CALD1: variants seen among roughly 807,000 people sequenced by gnomAD.
CALD1 encodes caldesmon 1, also known as caldesmon.
In CALD1, 33 loss-of-function variants were observed where a neutral mutation model predicts 99.9. The ratio of observed to expected loss-of-function variants is 0.33; its 90% confidence interval spans 0.25 to 0.44. CALD1 has a LOEUF of 0.44. CALD1 is among the 20% of genes least tolerant of loss of function. The pLI is 1.00. For synonymous variants in CALD1, 310 were observed against 325.0 expected, an observed-to-expected ratio of 0.95 and a Z score of 0.50; for missense variants, 861 against 962.1, an observed-to-expected ratio of 0.89 and a Z score of 1.39.
the CALD1 span, among the ~76,000 whole-genome samples, chr7:134,736,384 A>G: frequency 2.0e-5 from 3 of 152,122 alleles, no homozygotes; most frequent in African/African-American, 7.2e-5. Flanking sequence ...ACACACGAAC[A>G]TGCACCCTCA....
upstream of CALD1, among the ~76,000 whole-genome samples, chr7:134,740,217 G>T (rs189781527): frequency 6.6e-6 from 1 of 151,970 alleles, no homozygotes; most frequent in Non-Finnish European, 1.5e-5. Flanking sequence ...GCCTCATTTT[G>T]GTCAACATTT....
the CALD1 span, among the ~76,000 whole-genome samples, chr7:134,737,997 G>C: frequency 9.2e-5 from 14 of 152,190 alleles, no homozygotes; most frequent in Non-Finnish European, 1.6e-4. Context: ...TTTCCACAAA[G>C]AGAGACAAAT....
At chr7:134,713,318 G>A in the CALD1 span, among the ~76,000 whole-genome samples, 24 of 152,304 alleles carry the variant, frequency 1.6e-4, no homozygotes, top group East Asian at 4.1e-3. Flanking sequence ...GGATGGTGCT[G>A]TGGAAAATAA....
At chr7:134,797,038 T>G (rs1290219177) in intron 1 of CALD1, among the ~76,000 whole-genome samples, 1 of 151,786 alleles carries the variant, frequency 6.6e-6, no homozygotes, top group Non-Finnish European at 1.5e-5. Context: ...TTTTTTCTTT[T>G]TTTTGAGAAA....
the CALD1 span, among the ~76,000 whole-genome samples, chr7:134,729,048 C>T: frequency 6.6e-5 from 10 of 152,102 alleles, no homozygotes; most frequent in Admixed American, 5.2e-4. Context: ...GACTGGGTTT[C>T]ACCATGTTGG....
chr7:134,862,879 G>A (rs796459230), intron 2 of CALD1, among the ~76,000 whole-genome samples: 5 of 152,332 alleles, frequency 3.3e-5, no homozygotes, highest in African/African-American at 1.2e-4. Context: ...CTGTTACGGA[G>A]AGTTGAAGTT....
rs539991942 is a variant in CALD1 at position 134,817,955 on chromosome 7, G to A, written c.-129-25929G>A. Among the ~76,000 whole-genome samples the A allele has an allele frequency of 2.0e-4, 30 of 152,156 alleles. No individual in the cohort carries two copies. The South Asian group carries it at 2.9e-3, about 15-fold the overall frequency. On this transcript the variant is annotated intron_variant, in intron 1 of 14. Coordinates refer to ENST00000361675, the MANE Select transcript of CALD1 (RefSeq NM_033138.4). ...AACAATACTTTTTGTCACACTTGCC[G>A]TCAGCCCATTTTGTTATAACCTCAT...
chr7:134,895,647 G>A (rs1003245523), intron 3 of CALD1, among the ~76,000 whole-genome samples: 8 of 152,056 alleles, frequency 5.3e-5, no homozygotes, highest in Admixed American at 3.9e-4. Flanking sequence ...TTAGAATTAC[G>A]TTCAAAGTAA....
At chr7:134,815,148 G>A (rs6968543) in intron 1 of CALD1, among the ~76,000 whole-genome samples, 12,070 of 152,190 alleles carry the variant, frequency 0.079, 708 homozygotes, top group Non-Finnish European at 0.12. Context: ...CATCATGTCC[G>A]GACAAGTGAT....
At chr7:134,947,898 C>A in intron 8 of CALD1, 129 bp downstream of exon 8, 2 of 1,126,378 alleles carry the variant, frequency 1.8e-6, no homozygotes, top group Non-Finnish European at 2.5e-6. Flanking sequence ...GTGCTAGGTA[C>A]TGTTTTATAA....
chr7:134,712,480 G>A, the CALD1 span, among the ~76,000 whole-genome samples: 1 of 152,172 alleles, frequency 6.6e-6, no homozygotes, highest in African/African-American at 2.4e-5. Flanking sequence ...TGCATGCCCT[G>A]TAGTCACCCA....
chr7:134,925,735 G>A (rs944049746), intron 3 of CALD1, among the ~76,000 whole-genome samples: 6 of 152,126 alleles, frequency 3.9e-5, no homozygotes, highest in African/African-American at 1.4e-4. Flanking sequence ...CACCTGACAC[G>A]GGGGATTACA....
intron 2 of CALD1, among the ~76,000 whole-genome samples, chr7:134,861,919 T>C (rs2132284641): frequency 6.6e-6 from 1 of 152,236 alleles, no homozygotes; most frequent in South Asian, 2.1e-4. Context: ...GAAGGTACAA[T>C]ATAAGAGAAG....
At chr7:134,727,478 A>G in the CALD1 span, among the ~76,000 whole-genome samples, 1 of 152,240 alleles carries the variant, frequency 6.6e-6, no homozygotes, top group Non-Finnish European at 1.5e-5. Flanking sequence ...TCCACAAAAT[A>G]GACAGGAGCT....
chr7:134,936,416 C>T (rs1284585816), intron 6 of CALD1, among the ~76,000 whole-genome samples: 1 of 152,186 alleles, frequency 6.6e-6, no homozygotes, highest in Non-Finnish European at 1.5e-5. Context: ...CATCAGAACA[C>T]TTGATTGCAC....
intron 3 of CALD1, among the ~76,000 whole-genome samples, chr7:134,884,965 G>A (rs1268500508): frequency 1.3e-5 from 2 of 152,072 alleles, no homozygotes; most frequent in Admixed American, 1.3e-4. Flanking sequence ...TTGAGACAGA[G>A]TCTCATTCTG....
chr7:134,809,035 A>G (rs1798256975), intron 1 of CALD1, among the ~76,000 whole-genome samples: 1 of 152,232 alleles, frequency 6.6e-6, no homozygotes, highest in South Asian at 2.1e-4. Context: ...GGGAGAGACT[A>G]TCTCATAGAA....
At chr7:134,960,373 A>T (rs1192728037) in intron 12 of CALD1, 160 bp from the exon 13 acceptor site, 1 of 650,660 alleles carries the variant, frequency 1.5e-6, no homozygotes, top group Non-Finnish European at 2.7e-6. Context: ...GTGAGTTACC[A>T]GGGAAAGAAA....
the CALD1 span, among the ~76,000 whole-genome samples, chr7:134,722,575 C>T: frequency 8.5e-5 from 13 of 152,134 alleles, no homozygotes; most frequent in South Asian, 2.1e-3. Context: ...GAGCATGCCA[C>T]CACACCTGGC....
Sources: gnomAD v4.1 joint callset for allele counts (sites outside exome capture counted in the v4.1 genomes callset) on GRCh38, gnomAD v4.1.1 for gene constraint, MANE v1.5 for transcripts, NCBI Gene and HGNC (gene_info 2026-07-23, HGNC 2026-07-21) for gene names.